The following NLRC3 variants were observed in gnomAD, a reference collection of about 807,000 sequenced individuals.
NLRC3 encodes the protein NLR family CARD domain-containing protein 3.
A neutral mutation model predicts 91.6 loss-of-function variants in NLRC3; 87 were observed. That is an observed-to-expected ratio of 0.95 (90% CI 0.80 to 1.14). The LOEUF (loss-of-function observed/expected upper bound fraction) is 1.14. NLRC3 is among the 50% of genes most tolerant of loss of function. The pLI, the probability that NLRC3 is intolerant of heterozygous loss-of-function variation, is 0.00. For missense variants in NLRC3, 1,577 were observed against 1,418.6 expected, an observed-to-expected ratio of 1.11 and a Z score of -1.79; for synonymous variants, 694 against 625.3, an observed-to-expected ratio of 1.11 and a Z score of -1.64.
At chr16:3,569,879 A>T (rs1220228122) in intron 1 of NLRC3, among the ~76,000 whole-genome samples, 1 of 152,140 alleles carries the variant, frequency 6.6e-6, no homozygotes, top group Non-Finnish European at 1.5e-5. Flanking sequence ...TCCGATAGAG[A>T]AAGATTTATT....
intron 1 of NLRC3, among the ~76,000 whole-genome samples, chr16:3,576,884 A>G (rs996348618): frequency 8.5e-5 from 13 of 152,140 alleles, no homozygotes; most frequent in East Asian, 1.9e-4. Flanking sequence ...TGGCCAGGCT[A>G]GTCTCAAAGT....
At position 3,548,761 on chromosome 16, in the gene NLRC3, G is replaced by A; in HGVS notation, c.2604-8C>T. On this transcript the variant is annotated splice_region_variant and splice_polypyrimidine_tract_variant and intron_variant, in intron 13 of 19. Coordinates refer to ENST00000359128, the MANE Select transcript of NLRC3 (RefSeq NM_178844.4). Reference sequence around the variant, plus strand: ...AGGAGGTTGGCTGTCAGGCTAGGAGGAAGGGAACAGGAGCAAGTGAGCCGG... The same window carrying A: ...AGGAGGTTGGCTGTCAGGCTAGGAGAAAGGGAACAGGAGCAAGTGAGCCGG... The A allele has an allele frequency of 6.3e-7, 1 of 1,593,332 alleles. No homozygotes were observed. The highest frequency in any genetic ancestry group is 2.3e-5 in the East Asian group (1 of 44,332).
In NLRC3 at chr16:3,561,612, C is replaced by T; in HGVS notation, c.2015+90G>A. The T allele has an allele frequency of 6.7e-6, 6 of 889,632 alleles. No individual in the cohort carries two copies. The East Asian group carries it at 7.4e-5, about 11-fold the overall frequency. The allele number at this position is 889,632 out of a possible 1,614,324, so 55.1% of individuals were successfully genotyped here. ...CAAAGACACTTCTCCGTGGCAGCGC[C>T]GCTGGCCAGCTGAGCAGAGGATGAT... is the stretch of plus-strand genomic sequence containing the variant. On this transcript the variant is annotated intron_variant, in intron 6 of 19. Transcript: ENST00000359128.
chr16:3,555,528 A>C (rs2039262938), intron 8 of NLRC3, among the ~76,000 whole-genome samples: 1 of 152,230 alleles, frequency 6.6e-6, no homozygotes, highest in Admixed American at 6.5e-5. Flanking sequence ...TGGTGGCACA[A>C]CATTGTGAAT....
At position 3,564,536 on chromosome 16, in the gene NLRC3, AC is replaced by A. The variant is rs2039783324; in HGVS notation, c.400del (p.Val134CysfsTer22). 3 of 1,611,534 alleles carry A rather than the reference AC, an allele frequency of 1.9e-6. No homozygotes were observed. The highest frequency in any genetic ancestry group is 2.5e-6 in the Non-Finnish European group (3 of 1,179,330). On this transcript the variant is annotated frameshift_variant, in exon 5 of 20. Coordinates refer to ENST00000359128, the MANE Select transcript of NLRC3 (RefSeq NM_178844.4). LOFTEE classifies it high-confidence loss of function. This position sits in a 1 kb window ranked among gnomAD's most constrained non-coding sequence, Gnocchi z 5.9. ...LDRLFLPLSRVSVPPRVSITI... is the reference protein window; with the variant it reads ...LDRLFLPLSRXSVPPRVSITI... ...GATGGAGACCCGGGGTGGGACAGAC[AC>A]CCGGGAGAGAGGCAGGAAGAGCCGG...
chr16:3,574,138 T>C (rs2040198490), intron 1 of NLRC3, among the ~76,000 whole-genome samples: 1 of 144,000 alleles, frequency 6.9e-6, no homozygotes, highest in Non-Finnish European at 1.5e-5. Context: ...TTCTCCCGCC[T>C]CAGGGTCCTC....
chr16:3,573,264 C>CA (rs879790975), intron 1 of NLRC3, among the ~76,000 whole-genome samples: 4,536 of 135,298 alleles, frequency 0.034, 92 homozygotes, highest in African/African-American at 0.068. Flanking sequence ...ATAAAAAGTA[C>CA]AAAAAAAAAA....
At chr16:3,547,701 CT>C (rs962176529) in intron 15 of NLRC3, among the ~76,000 whole-genome samples, 3 of 151,318 alleles carry the variant, frequency 2.0e-5, no homozygotes, top group African/African-American at 7.2e-5. Flanking sequence ...CAGGGTCTCA[CT>C]CTGTCGCCCA....
At position 3,549,188 on chromosome 16, in the gene NLRC3, C is replaced by T. The variant is rs756888000; in HGVS notation, c.2557G>A (p.Ala853Thr). Residue 853 changes from alanine (A) to threonine (T), a missense_variant, in exon 13 of 20, where the codon GCC becomes ACC. Coordinates refer to ENST00000359128, the MANE Select transcript of NLRC3 (RefSeq NM_178844.4). ...TTGGCGCAGAGGGCATGAGCGATGG[C>T]CTGGGCTCCCTCGGGACTGATGGAG... is the stretch of plus-strand genomic sequence containing the variant. ...ENSISPEGAQ[A>T]IAHALCANST... is the part of the protein sequence containing the mutation. The T allele has an allele frequency of 3.8e-6, 6 of 1,589,314 alleles. No individual in the cohort carries two copies. Among genetic ancestry groups the T allele is most frequent in the Non-Finnish European group, 1.7e-6 (2 of 1,167,802 alleles).
At chr16:3,566,032 C>G (rs2039868132) in intron 2 of NLRC3, among the ~76,000 whole-genome samples, 1 of 149,050 alleles carries the variant, frequency 6.7e-6, no homozygotes, top group Non-Finnish European at 1.5e-5. Context: ...AGAGCAAGAC[C>G]CCATCTCTAA....
Position 3,564,541 on chromosome 16 carries a change from GGA to G in NLRC3, c.394_395del (p.Ser132ProfsTer91). On this transcript the variant is annotated frameshift_variant, in exon 5 of 20. Coordinates refer to ENST00000359128, the MANE Select transcript of NLRC3 (RefSeq NM_178844.4). LOFTEE classifies it high-confidence loss of function. This position sits in a 1 kb window ranked among gnomAD's most constrained non-coding sequence, Gnocchi z 5.9. ...VALDRLFLPLSRVSVPPRVSI... is the reference protein window; with the variant it reads ...VALDRLFLPLXRVSVPPRVSI... ...AGACCCGGGGTGGGACAGACACCCG[GGA>G]GAGAGGCAGGAAGAGCCGGTCCAGG... 1.9e-6 allele frequency: 3 copies of G among 1,612,132 alleles called. No individual in the cohort carries two copies. Among genetic ancestry groups the G allele is most frequent in the Non-Finnish European group, 2.5e-6 (3 of 1,179,660 alleles).
In NLRC3 at chr16:3,563,784, G is replaced by A. The variant is rs778397189; in HGVS notation, c.1153C>T (p.Arg385Cys). The A allele has an allele frequency of 2.4e-5, 38 of 1,612,578 alleles. No homozygotes were observed. Among genetic ancestry groups the A allele is most frequent in the Admixed American group, 8.3e-5 (5 of 59,956 alleles). The change falls in exon 5 of 20, where the codon CGC becomes TGC. Residue 385 changes from arginine (R) to cysteine (C), a missense_variant. By Grantham distance (180) the Arg-to-Cys change is radical. Transcript: ENST00000359128. ...EGQEKGKASP[R>C]IEQVAHGGRK... is the part of the protein sequence containing the mutation. ...CCACCATGGGCCACCTGCTCGATGC[G>A]AGGGCTTGCCTTGCCCTTCTCCTGC... is the stretch of plus-strand genomic sequence containing the variant.
chr16:3,564,282 C>T lies in NLRC3; in HGVS notation c.655G>A (p.Asp219Asn). 1 of 1,612,124 alleles carries T rather than the reference C, an allele frequency of 6.2e-7. No homozygotes were observed. The highest frequency in any genetic ancestry group is 1.1e-5 in the South Asian group (1 of 90,978). The change falls in exon 5 of 20, where the codon GAC becomes AAC. Residue 219 changes from aspartate (D) to asparagine (N), a missense_variant. Asp to Asn is a conservative substitution (Grantham distance 23). Transcript: ENST00000359128. This position sits in a 1 kb window ranked among gnomAD's most constrained non-coding sequence, Gnocchi z 5.9. ...AVPARALLIL[D>N]GLDECRTPLD... Reference sequence around the variant, plus strand: ...GGCGTCCTGCACTCATCCAAGCCGTCCAGGATCAGGAGGGCCCTGGCTGGG... The same window carrying T: ...GGCGTCCTGCACTCATCCAAGCCGTTCAGGATCAGGAGGGCCCTGGCTGGG...
At chr16:3,557,747 GC>G (rs2039414221) in intron 6 of NLRC3, 71 bp from the exon 7 acceptor site, 1 of 950,072 alleles carries the variant, frequency 1.1e-6, no homozygotes, top group Non-Finnish European at 1.7e-6. Flanking sequence ...TCAACGCTGT[GC>G]CCGTGATTAA....
Position 3,548,731 on chromosome 16 carries a change from C to T in NLRC3, c.2626G>A (p.Asp876Asn), listed in dbSNP as rs775914580. ...ACTGCGATGGCCCGGGCACCCTGGT[C>T]GTGGAGGAGGTTGGCTGTCAGGCTA... ...NLDLTANLLH[D>N]QGARAIAVAV... Residue 876 changes from aspartate (D) to asparagine (N), a missense_variant, in exon 14 of 20, where the codon GAC (aspartate) becomes AAC (asparagine). Physicochemically the swap from Asp to Asn is conservative, Grantham distance 23 (BLOSUM62 1). Coordinates refer to ENST00000359128, the MANE Select transcript of NLRC3 (RefSeq NM_178844.4). 28 of 1,603,870 alleles carry T rather than the reference C, an allele frequency of 1.7e-5. No homozygotes were observed. The highest frequency in any genetic ancestry group is 3.4e-5 in the Admixed American group (2 of 58,430).
chr16:3,546,125 C>T (rs967662732), intron 15 of NLRC3, among the ~76,000 whole-genome samples: 21 of 152,124 alleles, frequency 1.4e-4, no homozygotes, highest in African/African-American at 5.1e-4. Flanking sequence ...TGGGTAGGCA[C>T]AGTGCCTCAC....
intron 1 of NLRC3, among the ~76,000 whole-genome samples, chr16:3,567,542 G>T (rs948504951): frequency 1.3e-5 from 2 of 152,050 alleles, no homozygotes; most frequent in African/African-American, 4.8e-5. Flanking sequence ...GGGAGGCTGA[G>T]GCAGGCGGAT....
chr16:3,572,893 A>T (rs2040148808), intron 1 of NLRC3, among the ~76,000 whole-genome samples: 1 of 151,660 alleles, frequency 6.6e-6, no homozygotes, highest in African/African-American at 2.4e-5. Context: ...GGTGACCGTA[A>T]TCCCAGCTAC....
intron 2 of NLRC3, among the ~76,000 whole-genome samples, chr16:3,566,101 C>CAAAAAAAAAAAAAA (rs1027448717): frequency 4.7e-5 from 1 of 21,316 alleles, no homozygotes; most frequent in African/African-American, 2.0e-4. Flanking sequence ...GAGCAAAAAG[C>CAAAAAAAAAAAAAA]AAAAAAAAAA....
Sources: allele counts gnomAD v4.1 joint callset (sites outside exome capture counted in the v4.1 genomes callset), GRCh38; gene constraint gnomAD v4.1.1; non-coding constraint Gnocchi (gnomAD v3.1); transcripts MANE v1.5; gene names NCBI Gene and HGNC (gene_info 2026-07-23, HGNC 2026-07-21).